BANF2: variants seen among roughly 807,000 people sequenced by gnomAD.
The protein encoded by BANF2 is barrier-to-autointegration factor-like protein.
A neutral mutation model predicts 8.0 loss-of-function variants in BANF2; 4 were observed. That is an observed-to-expected ratio of 0.50 (90% CI 0.25 to 1.14). The LOEUF (loss-of-function observed/expected upper bound fraction) is 1.14. BANF2 is among the 50% of genes most tolerant of loss of function. The pLI, the probability that BANF2 is intolerant of heterozygous loss-of-function variation, is 0.16. For synonymous variants in BANF2, 50 were observed against 40.6 expected (o/e 1.23, Z -0.88); for missense variants, 96 against 107.5 (o/e 0.89, Z 0.47).
chr20:17,719,624 T>C (rs919625551), intron 1 of BANF2, among the ~76,000 whole-genome samples: 1 of 151,722 alleles, frequency 6.6e-6, no homozygotes, highest in Non-Finnish European at 1.5e-5. Context: ...TCTGCTTTGA[T>C]CTATTTTATG....
At chr20:17,727,180 G>A (rs1340288197) in intron 3 of BANF2, among the ~76,000 whole-genome samples, 8 of 152,270 alleles carry the variant, frequency 5.3e-5, no homozygotes, top group Middle Eastern at 3.4e-3. Context: ...CTGTGGGGAC[G>A]GTTTGTCTGT....
intron 2 of BANF2, 28 bp downstream of exon 2, chr20:17,722,906 G>C: frequency 3.1e-6 from 3 of 978,030 alleles, no homozygotes; most frequent in Non-Finnish European, 3.6e-6. Flanking sequence ...GACAGGAGAG[G>C]GGATGGGGCT....
chr20:17,719,825 G>T (rs973679213), intron 1 of BANF2, among the ~76,000 whole-genome samples: 2 of 152,168 alleles, frequency 1.3e-5, no homozygotes, highest in African/African-American at 2.4e-5. Flanking sequence ...TGATTTGGGG[G>T]TAGACACTGC....
intron 1 of BANF2, among the ~76,000 whole-genome samples, chr20:17,694,336 C>T (rs561818063): frequency 6.6e-6 from 1 of 152,088 alleles, no homozygotes; most frequent in Non-Finnish European, 1.5e-5. Context: ...CTCTGAATCA[C>T]CCGAGGGAAC....
intron 3 of BANF2, among the ~76,000 whole-genome samples, chr20:17,732,063 CA>C (rs199868651): frequency 0.34 from 44,863 of 132,512 alleles, 6,825 homozygotes; most frequent in East Asian, 0.49. Context: ...GAGACGTCGT[CA>C]AAAAAAAAAA....
intron 3 of BANF2, chr20:17,731,090 C>T (rs1478150778): frequency 1.3e-5 from 2 of 152,124 alleles, no homozygotes; most frequent in Non-Finnish European, 2.9e-5. Context: ...ATGGTGAAAT[C>T]CCGTCTGTAT....
At chr20:17,732,948 G>A (rs567443893) in intron 3 of BANF2, among the ~76,000 whole-genome samples, 2 of 152,310 alleles carry the variant, frequency 1.3e-5, no homozygotes, top group South Asian at 4.1e-4. Flanking sequence ...GGGGAGCAGG[G>A]TGAAGTGCTC....
intron 1 of BANF2, among the ~76,000 whole-genome samples, chr20:17,720,490 C>T (rs1379786470): frequency 6.6e-6 from 1 of 152,222 alleles, no homozygotes; most frequent in Non-Finnish European, 1.5e-5. Context: ...CAGAAAAGGA[C>T]AGATATTATA....
chr20:17,725,776 G>A (rs1181670779), intron 3 of BANF2, among the ~76,000 whole-genome samples: 1 of 152,240 alleles, frequency 6.6e-6, no homozygotes. Flanking sequence ...GACAAGGCAG[G>A]CTGTGAACTC....
upstream of BANF2, among the ~76,000 whole-genome samples, chr20:17,695,181 G>A (rs2037336126): frequency 6.6e-6 from 1 of 151,968 alleles, no homozygotes; most frequent in Non-Finnish European, 1.5e-5. Flanking sequence ...AAGGCTGGGT[G>A]TGATGGTGTA....
At chr20:17,718,492 A>C (rs2037686550) in intron 1 of BANF2, among the ~76,000 whole-genome samples, 1 of 152,180 alleles carries the variant, frequency 6.6e-6, no homozygotes, top group African/African-American at 2.4e-5. Context: ...TAGAATTTTT[A>C]GAGAATAACA....
In BANF2 at chr20:17,719,527, G is replaced by T. The variant is rs536675948; in HGVS notation, c.-166-3189G>T. Among the ~76,000 whole-genome samples the T allele has an allele frequency of 1.8e-4, 27 of 152,172 alleles. No individual in the cohort carries two copies. The South Asian group carries it at 1.9e-3, about 11-fold the overall frequency. ...TTAGGCTAGATTAGAGAAGGATTTC[G>T]GGGAGCCCAAGGAGGGCATGGGGAT... On this transcript the variant is annotated intron_variant, in intron 1 of 3. Coordinates refer to ENST00000246090, the MANE Select transcript of BANF2 (RefSeq NM_178477.5).
chr20:17,732,275 G>A (rs1168656042), intron 3 of BANF2, among the ~76,000 whole-genome samples: 3 of 152,204 alleles, frequency 2.0e-5, no homozygotes, highest in African/African-American at 7.2e-5. Context: ...CAAACTGGAG[G>A]GTGATTCCTC....
chr20:17,715,594 C>T (rs427456), intron 1 of BANF2, among the ~76,000 whole-genome samples: 4,547 of 152,320 alleles, frequency 0.03, 81 homozygotes, highest in Non-Finnish European at 0.038. Flanking sequence ...CATTAGTGGT[C>T]ATTAGAAAGT....
chr20:17,697,247 A>G (rs1044547604), upstream of BANF2, among the ~76,000 whole-genome samples: 2 of 152,216 alleles, frequency 1.3e-5, no homozygotes, highest in African/African-American at 4.8e-5. Flanking sequence ...TTCTTATTCC[A>G]GGAGGAATTG....
chr20:17,716,526 T>C (rs1487278223), intron 1 of BANF2, among the ~76,000 whole-genome samples: 2 of 151,498 alleles, frequency 1.3e-5, no homozygotes, highest in East Asian at 3.9e-4. Context: ...GGTTGTGGCA[T>C]GTTGCCCAGG....
intron 1 of BANF2, chr20:17,712,645 CT>C (rs1285996077): frequency 2.9e-6 from 2 of 684,694 alleles, no homozygotes; most frequent in African/African-American, 3.9e-5. Flanking sequence ...CTTCCTCTTT[CT>C]AGAATCCATG....
At chr20:17,696,897 A>C (rs190349050), upstream of BANF2, among the ~76,000 whole-genome samples, 53 of 152,190 alleles carry the variant, frequency 3.5e-4, no homozygotes, top group African/African-American at 1.1e-3. Flanking sequence ...CTTTCTCGAC[A>C]TGGTGTTTTC....
rs183253893 is a variant in BANF2, at chr20:17,725,018, C to T, written c.-3-5C>T. On this transcript the variant is annotated splice_region_variant and splice_polypyrimidine_tract_variant and intron_variant, in intron 2 of 3. Coordinates refer to ENST00000246090, the MANE Select transcript of BANF2 (RefSeq NM_178477.5). ...AATCCTCCTCTCTCCCCACTGCTGT[C>T]GCAGGAGATGGACAACATGTCTCCC... The T allele has an allele frequency of 4.4e-6, 7 of 1,605,204 alleles. No individual in the cohort carries two copies. In the South Asian group the frequency reaches 5.5e-5, roughly 13 times the overall value.
Sources: allele counts gnomAD v4.1 joint callset (sites outside exome capture counted in the v4.1 genomes callset), GRCh38; gene constraint gnomAD v4.1.1; transcripts MANE v1.5; gene names NCBI Gene and HGNC (gene_info 2026-07-23, HGNC 2026-07-21).